RBL1: variants seen among roughly 807,000 people sequenced by gnomAD.
RBL1 encodes the protein RB transcriptional corepressor like 1.
Under a neutral mutation model 123.0 loss-of-function variants are expected in RBL1, and 82 were observed. That is an observed-to-expected ratio of 0.67 (90% CI 0.56 to 0.80). The LOEUF (loss-of-function observed/expected upper bound fraction) is 0.80, where lower values mean the gene tolerates loss of function less well. Among genes scored for constraint, RBL1 ranks in the 30% least tolerant of loss-of-function variants. The pLI is 0.00. For missense variants in RBL1, 1,171 were observed against 1,299.6 expected (o/e 0.90, Z 1.52); for synonymous variants, 405 against 441.3 (o/e 0.92, Z 1.03).
Position 37,007,441 on chromosome 20 carries a change from C to T in RBL1, c.2841G>A (p.Leu947=). Residue 947 remains leucine, a synonymous_variant, in exon 20 of 22, where the codon CTG becomes CTA. Coordinates refer to ENST00000373664, the MANE Select transcript of RBL1 (RefSeq NM_002895.5). ...IYVGRVKSFA[L]KYDLANQDHM... ...GGTCCTGATTCGCCAAGTCGTATTTCAGTGCAAATGACTTCACTCTTCCTA... is the reference window on the plus strand; with the variant it reads ...GGTCCTGATTCGCCAAGTCGTATTTTAGTGCAAATGACTTCACTCTTCCTA... 6.2e-7 allele frequency: 1 copy of T among 1,613,806 alleles called. No individual in the cohort carries two copies. The highest frequency in any genetic ancestry group is 1.1e-5 in the South Asian group (1 of 91,018).
chr20:37,067,165 AC>A, intron 4 of RBL1, 44 bp from the exon 5 acceptor site: 1 of 1,570,944 alleles, frequency 6.4e-7, no homozygotes, highest in South Asian at 1.2e-5. Flanking sequence ...AAAACCAGAA[AC>A]CTCTCATGTC....
intron 12 of RBL1, 82 bp from the exon 13 acceptor site, chr20:37,044,332 TTTCTTC>T (rs569022282): frequency 1.1e-5 from 15 of 1,341,790 alleles, no homozygotes; most frequent in Admixed American, 2.2e-5. Context: ...TAGCTGTGGC[TTTCTTC>T]TTCTTCTTCT....
At chr20:36,999,232 C>G (rs963378945) in intron 21 of RBL1, among the ~76,000 whole-genome samples, 1 of 151,924 alleles carries the variant, frequency 6.6e-6, no homozygotes, top group Admixed American at 6.6e-5. Context: ...CATGGCAAAC[C>G]TGGTCTCTAC....
Position 37,066,883 on chromosome 20 carries a change from A to G in RBL1, c.687T>C (p.Gly229=). 1 of 1,613,350 alleles carries G rather than the reference A, an allele frequency of 6.2e-7. No homozygotes were observed. Among genetic ancestry groups the G allele is most frequent in the Non-Finnish European group, 8.5e-7 (1 of 1,179,732 alleles). ...CAGCAGTATGAAAATCAGATGGTAA[A>G]CCTAGTTTGACAGTGTAGGAAGGGC... is the stretch of plus-strand genomic sequence containing the variant. ...RQDLLNPSFK[G]LPSDFHTADF... Residue 229 remains glycine, a splice_region_variant and synonymous_variant, in exon 6 of 22, where the codon GGT becomes GGC. Coordinates refer to ENST00000373664, the MANE Select transcript of RBL1 (RefSeq NM_002895.5).
At chr20:37,042,072 C>CAAAAAAA (rs71186100) in intron 13 of RBL1, among the ~76,000 whole-genome samples, 4 of 86,990 alleles carry the variant, frequency 4.6e-5, no homozygotes, top group Admixed American at 1.3e-4. Context: ...GACTTTGTCT[C>CAAAAAAA]AAAAAAAAAA....
chr20:37,042,318 T>A (rs1267423696), intron 13 of RBL1, among the ~76,000 whole-genome samples: 1 of 151,962 alleles, frequency 6.6e-6, no homozygotes, highest in Non-Finnish European at 1.5e-5. Flanking sequence ...ACCAGGGAAA[T>A]GCAAATAAAA....
chr20:37,033,141 C>T (rs989189703), intron 15 of RBL1, among the ~76,000 whole-genome samples: 2 of 150,798 alleles, frequency 1.3e-5, no homozygotes, highest in African/African-American at 4.9e-5. Context: ...TTTCAACCCC[C>T]GCAAATAGCT....
intron 2 of RBL1, among the ~76,000 whole-genome samples, chr20:37,076,936 A>ATTTT (rs547969796): frequency 1.5e-5 from 2 of 135,202 alleles, no homozygotes; most frequent in Non-Finnish European, 3.2e-5. Flanking sequence ...TTGCTTTATC[A>ATTTT]TTTTTTTTTT....
chr20:37,000,416 TGGGGGGGTC>T (rs2063951386), intron 21 of RBL1, among the ~76,000 whole-genome samples: 1 of 84,994 alleles, frequency 1.2e-5, no homozygotes. Context: ...AGGAGGGAGG[TGGGGGGGTC>T]ATCCCTCTGC....
chr20:37,000,962 C>G (rs1315576879), intron 21 of RBL1, among the ~76,000 whole-genome samples: 1 of 145,970 alleles, frequency 6.9e-6, no homozygotes, highest in South Asian at 2.1e-4. Flanking sequence ...TCTGCCCGGC[C>G]GCCCCTACTG....
intron 13 of RBL1, 96 bp downstream of exon 13, chr20:37,043,990 T>C (rs2064774240): frequency 1.0e-6 from 1 of 986,394 alleles, no homozygotes; most frequent in South Asian, 2.2e-5. Context: ...ACACTTAAAA[T>C]GGGTGAACTC....
chr20:37,074,680 C>T (rs1011315292), intron 2 of RBL1, among the ~76,000 whole-genome samples: 23 of 151,976 alleles, frequency 1.5e-4, no homozygotes, highest in African/African-American at 4.8e-4. Flanking sequence ...AAACACAGGG[C>T]TGGGAGCGGT....
At chr20:37,095,635 C>G (rs952697227) in intron 1 of RBL1, 138 bp downstream of exon 1, 2 of 695,028 alleles carry the variant, frequency 2.9e-6, no homozygotes, top group Non-Finnish European at 4.4e-6. Flanking sequence ...ACCCACCTTT[C>G]CCGCCCCTCG....
At chr20:37,025,294 C>T (rs889461830) in intron 16 of RBL1, among the ~76,000 whole-genome samples, 5 of 152,074 alleles carry the variant, frequency 3.3e-5, no homozygotes, top group South Asian at 2.1e-4. Flanking sequence ...GTGAGGTGGA[C>T]GGACTGGTTG....
At chr20:37,049,063 C>T (rs2064860615) in intron 11 of RBL1, among the ~76,000 whole-genome samples, 2 of 151,800 alleles carry the variant, frequency 1.3e-5, no homozygotes, top group African/African-American at 4.8e-5. Context: ...ATTAGCTGGG[C>T]GTGGTGGCAT....
chr20:37,000,591 T>G (rs1290033316), intron 21 of RBL1, among the ~76,000 whole-genome samples: 15 of 94,652 alleles, frequency 1.6e-4, no homozygotes, highest in East Asian at 7.2e-4. Flanking sequence ...CCAGGAAGGA[T>G]GTGGGGGGGT....
chr20:37,027,551 T>C (rs545226232), intron 16 of RBL1, among the ~76,000 whole-genome samples: 69 of 152,164 alleles, frequency 4.5e-4, no homozygotes, highest in Non-Finnish European at 8.8e-4. Flanking sequence ...ACTGCAGTCA[T>C]GTTTGGTTAT....
chr20:37,063,100 C>T (rs1228870538), intron 7 of RBL1, among the ~76,000 whole-genome samples: 1 of 152,114 alleles, frequency 6.6e-6, no homozygotes, highest in Non-Finnish European at 1.5e-5. Flanking sequence ...GTTTTTAAGA[C>T]AGAGTCTCAC....
At chr20:37,000,445 T>A (rs1191430174) in intron 21 of RBL1, among the ~76,000 whole-genome samples, 1 of 120,772 alleles carries the variant, frequency 8.3e-6, no homozygotes, top group Non-Finnish European at 1.7e-5. Flanking sequence ...CCCAGCCAGC[T>A]GCCCGTCCGG....
Sources: allele counts gnomAD v4.1 joint callset (sites outside exome capture counted in the v4.1 genomes callset), GRCh38; gene constraint gnomAD v4.1.1; transcripts MANE v1.5; gene names NCBI Gene and HGNC (gene_info 2026-07-23, HGNC 2026-07-21).